The following CSNK1A1 variants were observed in gnomAD, a reference collection of about 807,000 sequenced individuals.
CSNK1A1 encodes the protein casein kinase I isoform alpha.
A neutral mutation model predicts 46.1 loss-of-function variants in CSNK1A1; 7 were observed. That is an observed-to-expected ratio of 0.15 (90% CI 0.09 to 0.29). The LOEUF (loss-of-function observed/expected upper bound fraction) is 0.29. Ranked by LOEUF, CSNK1A1 falls within the 10% of genes least tolerant of loss-of-function variation. CSNK1A1 has a pLI of 1.00. For synonymous variants in CSNK1A1, 137 were observed against 141.5 expected (o/e 0.97, Z 0.23); for missense variants, 96 against 417.1 (o/e 0.23, Z 6.71).
chr5:149,531,985 G>C (rs1386291114), intron 2 of CSNK1A1, among the ~76,000 whole-genome samples: 1 of 152,134 alleles, frequency 6.6e-6, no homozygotes, highest in Non-Finnish European at 1.5e-5. Flanking sequence ...CCAGGTTCAA[G>C]AGATTCTCAT....
chr5:149,538,774 T>TA (rs1241002859), intron 2 of CSNK1A1, among the ~76,000 whole-genome samples: 4 of 151,942 alleles, frequency 2.6e-5, no homozygotes, highest in African/African-American at 9.7e-5. Flanking sequence ...AATACAAAAT[T>TA]AGCCGAGTGT....
intron 2 of CSNK1A1, among the ~76,000 whole-genome samples, chr5:149,544,759 A>ATATATAT (rs1482571264): frequency 1.3e-5 from 1 of 75,260 alleles, no homozygotes; most frequent in Admixed American, 2.1e-4. Flanking sequence ...ATATATATAT[A>ATATATAT]TATATAGTTA....
At position 149,503,569 on chromosome 5, in the gene CSNK1A1, A is replaced by T. The variant is rs1380840878; in HGVS notation, c.1006+1878T>A. 3 of 984,658 alleles carry T rather than the reference A, an allele frequency of 3.0e-6. No homozygotes were observed. In the African/African-American group the frequency reaches 5.2e-5, roughly 17 times the overall value. 61.0% of individuals were successfully genotyped at this position (984,658 alleles called of 1,614,324 possible). ...CCATTGTCTCTAATGTCACTATAAA[A>T]TTTTTAAAAGATTTTAAGTTGCTTT... On this transcript the variant is annotated intron_variant, in intron 9 of 9. Coordinates refer to ENST00000377843, the MANE Select transcript of CSNK1A1 (RefSeq NM_001892.6).
rs17110140 is a variant in CSNK1A1 at position 149,529,443 on chromosome 5, A to C, written c.231-4272T>G. On this transcript the variant is annotated intron_variant, in intron 2 of 9. Coordinates refer to ENST00000377843, the MANE Select transcript of CSNK1A1 (RefSeq NM_001892.6). ...AAAAAGCACAAATGTAAGACAATAC[A>C]TGCAAAAGTCAATGAGGCTGACAAA... Among the ~76,000 whole-genome samples the C allele has an allele frequency of 7.7e-3, 1,166 of 152,388 alleles. 18 individuals carry two copies. Among genetic ancestry groups the C allele is most frequent in the African/African-American group, 0.026 (1,094 of 41,590 alleles).
At chr5:149,502,035 G>T in intron 9 of CSNK1A1, 2 of 980,156 alleles carry the variant, frequency 2.0e-6, no homozygotes, top group Non-Finnish European at 2.4e-6. Context: ...TATTTGAAAA[G>T]ATCTAAAGAA....
At chr5:149,535,339 G>T (rs1023636370) in intron 2 of CSNK1A1, among the ~76,000 whole-genome samples, 1 of 152,140 alleles carries the variant, frequency 6.6e-6, no homozygotes, top group Non-Finnish European at 1.5e-5. Flanking sequence ...CCTAGGCTCA[G>T]TTCTGTATTT....
chr5:149,497,485 C>G (rs758120217), intron 9 of CSNK1A1: 108 of 985,754 alleles, frequency 1.1e-4, no homozygotes, highest in Non-Finnish European at 1.3e-4. Context: ...ACTTCTCAAG[C>G]CTACACATTC....
intron 4 of CSNK1A1, among the ~76,000 whole-genome samples, chr5:149,514,342 T>G (rs924173802): frequency 3.9e-5 from 6 of 152,230 alleles, no homozygotes; most frequent in Non-Finnish European, 7.3e-5. Flanking sequence ...AAATAACTAT[T>G]TTTATGAAAA....
At chr5:149,520,052 T>TA (rs1761522029) in intron 4 of CSNK1A1, among the ~76,000 whole-genome samples, 1 of 152,200 alleles carries the variant, frequency 6.6e-6, no homozygotes, top group African/African-American at 2.4e-5. Flanking sequence ...TATACAGCCC[T>TA]TAGAATTTTA....
chr5:149,504,517 TA>T (rs1760966834), intron 9 of CSNK1A1: 1 of 985,380 alleles, frequency 1.0e-6, no homozygotes, highest in Non-Finnish European at 1.2e-6. Context: ...TATCAGGAGG[TA>T]AGCCCCAGAA....
At chr5:149,503,816 CT>C (rs1760947450) in intron 9 of CSNK1A1, 1 of 985,200 alleles carries the variant, frequency 1.0e-6, no homozygotes, top group African/African-American at 1.7e-5. Flanking sequence ...TGCTGAATGC[CT>C]GAAGTAAAAT....
chr5:149,510,890 G>A (rs1342928781), intron 6 of CSNK1A1, among the ~76,000 whole-genome samples: 1 of 152,178 alleles, frequency 6.6e-6, no homozygotes, highest in East Asian at 1.9e-4. Flanking sequence ...AACTGTATAA[G>A]TCACAATATT....
chr5:149,501,721 T>A, intron 9 of CSNK1A1: 3 of 985,374 alleles, frequency 3.0e-6, no homozygotes, highest in Non-Finnish European at 3.6e-6. Flanking sequence ...CTTCTGAAAT[T>A]CTCCCCCACC....
chr5:149,500,015 C>CTGGA (rs1760784556), intron 9 of CSNK1A1, among the ~76,000 whole-genome samples: 1 of 129,546 alleles, frequency 7.7e-6, no homozygotes, highest in Non-Finnish European at 1.5e-5. Context: ...GTCACCCAGG[C>CTGGA]TGGAGTACAA....
At position 149,507,137 on chromosome 5, in the gene CSNK1A1, T is replaced by G; in HGVS notation, c.751-4A>C. 1 of 1,607,392 alleles carries G rather than the reference T, an allele frequency of 6.2e-7. No individual in the cohort carries two copies. The highest frequency in any genetic ancestry group is 1.7e-5 in the Admixed American group (1 of 59,686). ...TCGCAAATTCTGCAGGAAACCCCTA[T>G]AGGTTCAAGGGTTAAAACAAAGTTA... is the stretch of plus-strand genomic sequence containing the variant. On this transcript the variant is annotated splice_polypyrimidine_tract_variant and splice_region_variant and intron_variant, in intron 7 of 9. Coordinates refer to ENST00000377843, the MANE Select transcript of CSNK1A1 (RefSeq NM_001892.6).
intron 2 of CSNK1A1, among the ~76,000 whole-genome samples, chr5:149,530,497 C>T (rs1761859528): frequency 6.6e-6 from 1 of 152,144 alleles, no homozygotes; most frequent in Admixed American, 6.5e-5. Context: ...ATTTTAATAG[C>T]ACCTACAAGA....
intron 2 of CSNK1A1, among the ~76,000 whole-genome samples, chr5:149,544,671 C>T (rs1182051824): frequency 2.7e-5 from 4 of 147,498 alleles, no homozygotes; most frequent in Non-Finnish European, 5.9e-5. Context: ...GCCTCTGCTA[C>T]CCAAACAAGA....
intron 8 of CSNK1A1, among the ~76,000 whole-genome samples, chr5:149,506,592 A>AT (rs1019312192): frequency 1.8e-4 from 27 of 152,136 alleles, no homozygotes; most frequent in African/African-American, 6.5e-4. Context: ...CATGTAATCT[A>AT]TTCCCCCCCC....
intron 8 of CSNK1A1, among the ~76,000 whole-genome samples, chr5:149,506,441 C>T (rs1161963779): frequency 1.3e-5 from 2 of 151,280 alleles, no homozygotes; most frequent in Non-Finnish European, 3.0e-5. Context: ...TTCACCATGT[C>T]GGGCAGGCTG....
Sources: gnomAD v4.1 joint callset for allele counts (sites outside exome capture counted in the v4.1 genomes callset) on GRCh38, gnomAD v4.1.1 for gene constraint, MANE v1.5 for transcripts, NCBI Gene and HGNC (gene_info 2026-07-23, HGNC 2026-07-21) for gene names.